Variants in ZP4 observed in about 807,000 individuals in gnomAD.
ZP4 encodes the protein zona pellucida glycoprotein 4, also known as zona pellucida sperm-binding protein 4.
ZP4 carries 62 observed loss-of-function variants against 62.3 expected under a neutral mutation model. That is an observed-to-expected ratio of 0.99 (90% CI 0.81 to 1.23). The LOEUF is 1.23. Among genes scored for constraint, ZP4 ranks in the 50% most tolerant of loss-of-function variants. The pLI is 0.00. For missense variants in ZP4, 774 were observed against 656.0 expected, an observed-to-expected ratio of 1.18 and a Z score of -1.97; for synonymous variants, 289 against 247.3, an observed-to-expected ratio of 1.17 and a Z score of -1.58.
At chr1:237,883,461 T>C (rs751564030) in intron 10 of ZP4, among the ~76,000 whole-genome samples, 8 of 151,182 alleles carry the variant, frequency 5.3e-5, no homozygotes, top group Non-Finnish European at 1.2e-4. Context: ...ATGCCTGTAA[T>C]CCCAACACTT....
At chr1:237,888,247 A>G (rs1665152948) in intron 4 of ZP4, 111 bp downstream of exon 4, 1 of 1,184,210 alleles carries the variant, frequency 8.4e-7, no homozygotes, top group Non-Finnish European at 1.1e-6. Flanking sequence ...GCATGGCTAC[A>G]TGGCAGCCTG....
chr1:237,889,587 A>G (rs765760166), intron 3 of ZP4, among the ~76,000 whole-genome samples: 7 of 152,106 alleles, frequency 4.6e-5, no homozygotes, highest in Non-Finnish European at 7.3e-5. Flanking sequence ...TGCTGTGATT[A>G]CAGGTGTGAG....
chr1:237,887,360 GC>G lies in ZP4; in HGVS notation c.741+13del. The G allele has an allele frequency of 6.2e-7, 1 of 1,611,636 alleles. No individual in the cohort carries two copies. The highest frequency in any genetic ancestry group is 8.5e-7 in the Non-Finnish European group (1 of 1,178,624). On this transcript the variant is annotated intron_variant, in intron 5 of 11. Transcript: ENST00000366570. ...CCCAACTTCCAGAGCCAGGAACAAA[GC>G]CCAACTGCTCACCTGTCTTGTGGTG... is the stretch of plus-strand genomic sequence containing the variant.
intron 4 of ZP4, among the ~76,000 whole-genome samples, chr1:237,887,886 G>A (rs888549656): frequency 2.8e-5 from 3 of 108,198 alleles, no homozygotes; most frequent in Admixed American, 1.7e-4. Context: ...TAGCGTGTGC[G>A]ATTATTAGGT....
Position 237,890,680 on chromosome 1 carries a change from C to T in ZP4, c.-45G>A. ...GCCGGCTGCAGACTCTCCGCCTCCT[C>T]TCCCAAGAGCCGAGGGTCTGCCTGC... On this transcript the variant is annotated 5_prime_UTR_variant, in exon 1 of 12. Coordinates refer to ENST00000366570, the MANE Select transcript of ZP4 (RefSeq NM_021186.5). 2 of 1,581,212 alleles carry T rather than the reference C, an allele frequency of 1.3e-6. No homozygotes were observed. Among genetic ancestry groups the T allele is most frequent in the Non-Finnish European group, 1.7e-6 (2 of 1,163,470 alleles).
chr1:237,888,307 G>A, intron 4 of ZP4, 51 bp downstream of exon 4: 6 of 1,469,500 alleles, frequency 4.1e-6, no homozygotes, highest in Non-Finnish European at 5.5e-6. Context: ...GGGTTTCATT[G>A]TAATTGCCAC....
In ZP4 at chr1:237,887,509, G is replaced by C; in HGVS notation, c.606C>G (p.Asn202Lys). ...EGHFSIAVSR[N>K]VTSPPLLLDS... is the part of the protein sequence containing the mutation. The stretch of plus-strand genomic sequence containing the variant: ...CCAAGAGCAGTGGTGGCGAGGTCAC[G>C]TTCCGAGACACAGCAATAGAGAAAT... Residue 202 changes from asparagine to lysine, a missense_variant, in exon 5 of 12, where the codon AAC becomes AAG. Physicochemically the swap from Asn to Lys is moderately conservative, Grantham distance 94. Transcript: ENST00000366570. 1.2e-6 allele frequency: 2 copies of C among 1,614,196 alleles called. No individual in the cohort carries two copies. Among genetic ancestry groups the C allele is most frequent in the African/African-American group, 2.7e-5 (2 of 75,042 alleles).
At chr1:237,887,296 T>G in intron 5 of ZP4, 78 bp downstream of exon 5, 1 of 1,518,752 alleles carries the variant, frequency 6.6e-7, no homozygotes, top group Non-Finnish European at 9.0e-7. Context: ...ACGGCCAACA[T>G]ATTTCAGCTC....
Position 237,885,267 on chromosome 1 carries a change from C to T in ZP4, c.1209G>A (p.Gln403=), listed in dbSNP as rs1665070254. The T allele has an allele frequency of 6.2e-7, 1 of 1,614,060 alleles. No individual in the cohort carries two copies. ...AGGGAAATGGAAGATCCAAGGCTTTCTGGACAGGGATCAGCTGGGTCTGAT... is the reference window on the plus strand; with the variant it reads ...AGGGAAATGGAAGATCCAAGGCTTTTTGGACAGGGATCAGCTGGGTCTGAT... ...DNYQTQLIPV[Q]KALDLPFPSH... is the part of the protein sequence containing the mutation. Residue 403 remains glutamine, a synonymous_variant, in exon 9 of 12, where the codon CAG becomes CAA. Coordinates refer to ENST00000366570, the MANE Select transcript of ZP4 (RefSeq NM_021186.5).
Position 237,884,756 on chromosome 1 carries a change from C to T in ZP4, c.1390+13G>A. On this transcript the variant is annotated intron_variant, in intron 10 of 11. Transcript: ENST00000366570. Reference sequence around the variant, plus strand: ...TTCATTCAAATCTGTCCTCTAACAGCTTGGTTACTCACGACTGAGATCAGG... The same window carrying T: ...TTCATTCAAATCTGTCCTCTAACAGTTTGGTTACTCACGACTGAGATCAGG... The T allele has an allele frequency of 6.2e-7, 1 of 1,612,040 alleles. No homozygotes were observed. Among genetic ancestry groups the T allele is most frequent in the Admixed American group, 1.7e-5 (1 of 59,816 alleles).
Position 237,886,813 on chromosome 1 carries a change from T to G in ZP4, c.797A>C (p.Lys266Thr). The stretch of plus-strand genomic sequence containing the variant: ...AGTGACAGAGCCACGGCTCCCATTT[T>G]TCACATCCCTAGTTGCCACCAGTTC... The part of the protein sequence containing the change: ...ENELVATRDV[K>T]NGSRGSVTRD... Residue 266 changes from lysine to threonine, a missense_variant, in exon 6 of 12, where the codon AAA becomes ACA. Transcript: ENST00000366570. The G allele has an allele frequency of 6.2e-7, 1 of 1,614,108 alleles. No individual in the cohort carries two copies. The highest frequency in any genetic ancestry group is 8.5e-7 in the Non-Finnish European group (1 of 1,180,000).
chr1:237,882,840 C>A lies in ZP4; in HGVS notation c.1397G>T (p.Arg466Ile), dbSNP rs1335850145. 3 of 1,613,044 alleles carry A rather than the reference C, an allele frequency of 1.9e-6. No individual in the cohort carries two copies. The African/African-American group carries it at 4.0e-5, about 22-fold the overall frequency. Residue 466 changes from arginine to isoleucine, a missense_variant, in exon 11 of 12, where the codon AGA becomes ATA. Coordinates refer to ENST00000366570, the MANE Select transcript of ZP4 (RefSeq NM_021186.5). ...GTTCTGAGAACTGTTGTCAAAATTT[C>A]TTCTTCCTGTTAGAGAAATGAGACC... ...VVTCPDLSRRRNFDNSSQNTT... is the reference protein window; with the variant it reads ...VVTCPDLSRRINFDNSSQNTT...
chr1:237,883,054 G>A (rs1420094597), intron 10 of ZP4, among the ~76,000 whole-genome samples: 1 of 152,158 alleles, frequency 6.6e-6, no homozygotes, highest in East Asian at 1.9e-4. Context: ...TTCGTATAAA[G>A]ATGTTAGAAA....
chr1:237,882,414 C>T lies in ZP4; in HGVS notation c.*8G>A. Reference sequence around the variant, plus strand: ...AAGCTCAGCACAGGCTGGGAATACACTCTGGTTTTATTGACACATTTGGTC... The same window carrying T: ...AAGCTCAGCACAGGCTGGGAATACATTCTGGTTTTATTGACACATTTGGTC... On this transcript the variant is annotated 3_prime_UTR_variant, in exon 12 of 12. Coordinates refer to ENST00000366570, the MANE Select transcript of ZP4 (RefSeq NM_021186.5). 1.2e-6 allele frequency: 2 copies of T among 1,609,866 alleles called. No individual in the cohort carries two copies. Among genetic ancestry groups the T allele is most frequent in the Non-Finnish European group, 1.7e-6 (2 of 1,179,172 alleles).
chr1:237,886,955 A>T, intron 5 of ZP4, 87 bp from the exon 6 acceptor site: 1 of 1,134,808 alleles, frequency 8.8e-7, no homozygotes, highest in Non-Finnish European at 1.3e-6. Context: ...CAGCAATGCT[A>T]CCCTGTTGTA....
rs574652860 is a variant in ZP4, at chr1:237,890,728, G to T, written c.-93C>A. ...TGCCCAGATTCCTTTATATACAGAA[G>T]TCAGGCTTGTTTTCAGCTGCACATC... On this transcript the variant is annotated 5_prime_UTR_variant, in exon 1 of 12. Coordinates refer to ENST00000366570, the MANE Select transcript of ZP4 (RefSeq NM_021186.5). 4.9e-6 allele frequency: 7 copies of T among 1,415,990 alleles called. No individual in the cohort carries two copies. The African/African-American group carries it at 8.7e-5, about 18-fold the overall frequency. 87.7% of individuals were successfully genotyped at this position (1,415,990 alleles called of 1,614,324 possible).
chr1:237,887,422 AG>A lies in ZP4; in HGVS notation c.692del (p.Ala231ValfsTer35). 1 of 1,614,118 alleles carries A rather than the reference AG, an allele frequency of 6.2e-7. No homozygotes were observed. The highest frequency in any genetic ancestry group is 8.5e-7 in the Non-Finnish European group (1 of 1,180,022). On this transcript the variant is annotated frameshift_variant, in exon 5 of 12. Coordinates refer to ENST00000366570, the MANE Select transcript of ZP4 (RefSeq NM_021186.5). LOFTEE classifies it high-confidence loss of function. ...TAAATGGAAACTGGAACAGAACAAA[AG>A]CTTGTGTTGCCATCACAGGGTTACA... ...SACNPVMATQ[A>X]FVLFQFPFTS...
Position 237,887,646 on chromosome 1 carries a change from T to C in ZP4, c.554-85A>G. Reference sequence around the variant, plus strand: ...TGAAAGTCTAACCACTTAGTTACTTTTAATCCCACTGAGAAGCTGGTGACA... The same window carrying C: ...TGAAAGTCTAACCACTTAGTTACTTCTAATCCCACTGAGAAGCTGGTGACA... On this transcript the variant is annotated intron_variant, in intron 4 of 11. Coordinates refer to ENST00000366570, the MANE Select transcript of ZP4 (RefSeq NM_021186.5). 3 of 1,399,208 alleles carry C rather than the reference T, an allele frequency of 2.1e-6. No individual in the cohort carries two copies. The South Asian group carries it at 4.2e-5, about 20-fold the overall frequency. 86.7% of individuals were successfully genotyped at this position (1,399,208 alleles called of 1,614,324 possible). A position where few individuals can be genotyped will look rare whatever the true frequency, so the allele number is the denominator to read the frequency against.
chr1:237,885,360 T>C (rs12095919), intron 8 of ZP4, 31 bp downstream of exon 8: 24,464 of 1,611,242 alleles, frequency 0.015, 303 homozygotes, highest in African/African-American at 0.066. Flanking sequence ...CTTTGAGAAT[T>C]TCAGCACAGG....
Sources: gnomAD v4.1 joint callset for allele counts (sites outside exome capture counted in the v4.1 genomes callset) on GRCh38, gnomAD v4.1.1 for gene constraint, MANE v1.5 for transcripts, NCBI Gene and HGNC (gene_info 2026-07-23, HGNC 2026-07-21) for gene names.